Variants in HS6ST3 observed in about 807,000 individuals in gnomAD.
HS6ST3 encodes the protein heparan-sulfate 6-O-sulfotransferase 3.
HS6ST3 carries 12 observed loss-of-function variants against 36.7 expected under a neutral mutation model. The ratio of observed to expected loss-of-function variants is 0.33; its 90% confidence interval spans 0.21 to 0.53. The LOEUF is 0.53. Among genes scored for constraint, HS6ST3 ranks in the 20% least tolerant of loss-of-function variants. The pLI is 0.95. For missense variants in HS6ST3, 584 were observed against 640.9 expected (o/e 0.91, Z 0.96); for synonymous variants, 240 against 257.5 (o/e 0.93, Z 0.65).
chr13:96,580,518 G>T (rs2056338117), intron 1 of HS6ST3, among the ~76,000 whole-genome samples: 1 of 151,588 alleles, frequency 6.6e-6, no homozygotes, highest in South Asian at 2.1e-4. Context: ...AACACAGATT[G>T]TTTGCTAATC....
intron 1 of HS6ST3, among the ~76,000 whole-genome samples, chr13:96,375,455 T>C (rs1323105565): frequency 6.6e-6 from 1 of 152,212 alleles, no homozygotes; most frequent in Non-Finnish European, 1.5e-5. Flanking sequence ...TATAGATAGA[T>C]GCACAAAAAA....
chr13:96,192,345 G>A (rs2054292059), intron 1 of HS6ST3, among the ~76,000 whole-genome samples: 1 of 151,984 alleles, frequency 6.6e-6, no homozygotes, highest in African/African-American at 2.4e-5. Flanking sequence ...TTGTTACATG[G>A]ATATATTTCA....
chr13:96,624,374 T>A (rs1001420465), intron 1 of HS6ST3, among the ~76,000 whole-genome samples: 2 of 152,114 alleles, frequency 1.3e-5, no homozygotes, highest in Non-Finnish European at 2.9e-5. Context: ...AACCATATAT[T>A]TTTTTTAGTT....
chr13:96,406,172 T>C (rs2055477270), intron 1 of HS6ST3, among the ~76,000 whole-genome samples: 1 of 152,250 alleles, frequency 6.6e-6, no homozygotes, highest in Non-Finnish European at 1.5e-5. Flanking sequence ...CATTTTCTAA[T>C]CAGTTTTATA....
At chr13:96,589,109 A>G (rs911482174) in intron 1 of HS6ST3, among the ~76,000 whole-genome samples, 1 of 151,512 alleles carries the variant, frequency 6.6e-6, no homozygotes, top group Admixed American at 6.6e-5. Flanking sequence ...GAGGAGTTTG[A>G]AAAGAATTGT....
At chr13:96,625,677 GA>G (rs2056509687) in intron 1 of HS6ST3, among the ~76,000 whole-genome samples, 2 of 152,070 alleles carry the variant, frequency 1.3e-5, no homozygotes, top group South Asian at 4.2e-4. Flanking sequence ...GTTAGTTTGT[GA>G]AATGCTTATT....
At chr13:96,779,757 T>C (rs1877478005) in intron 1 of HS6ST3, among the ~76,000 whole-genome samples, 1 of 140,298 alleles carries the variant, frequency 7.1e-6, no homozygotes, top group Non-Finnish European at 1.5e-5. Context: ...AGATTAAGCA[T>C]GTATATTTAC....
intron 1 of HS6ST3, among the ~76,000 whole-genome samples, chr13:96,573,393 C>G (rs2056307974): frequency 6.6e-6 from 1 of 152,114 alleles, no homozygotes; most frequent in Admixed American, 6.6e-5. Flanking sequence ...GAGCCCACAG[C>G]CAGATGCATG....
At chr13:96,616,533 A>G (rs531103680) in intron 1 of HS6ST3, among the ~76,000 whole-genome samples, 1 of 152,286 alleles carries the variant, frequency 6.6e-6, no homozygotes, top group East Asian at 1.9e-4. Flanking sequence ...CCCTGCTCCC[A>G]GGAGTAGAAA....
intron 1 of HS6ST3, among the ~76,000 whole-genome samples, chr13:96,643,120 T>G (rs1313940244): frequency 6.6e-6 from 1 of 152,028 alleles, no homozygotes; most frequent in African/African-American, 2.4e-5. Flanking sequence ...GTCTGTGTTC[T>G]TTTTGTGTGT....
intron 1 of HS6ST3, among the ~76,000 whole-genome samples, chr13:96,653,289 T>C (rs1594828001): frequency 6.6e-6 from 1 of 152,016 alleles, no homozygotes; most frequent in South Asian, 2.1e-4. Context: ...ATACATGTGT[T>C]ATGGCGATTT....
chr13:96,528,015 C>G (rs1267580254), intron 1 of HS6ST3, among the ~76,000 whole-genome samples: 2 of 152,190 alleles, frequency 1.3e-5, no homozygotes, highest in African/African-American at 4.8e-5. Context: ...GACCAACACA[C>G]ATAATGCCAG....
At chr13:96,682,722 AT>A (rs2056722590) in intron 1 of HS6ST3, among the ~76,000 whole-genome samples, 1 of 152,122 alleles carries the variant, frequency 6.6e-6, no homozygotes. Context: ...AAGCTCTTGT[AT>A]TGATATTTTA....
intron 1 of HS6ST3, among the ~76,000 whole-genome samples, chr13:96,250,231 C>T (rs941156669): frequency 6.6e-6 from 1 of 152,134 alleles, no homozygotes; most frequent in African/African-American, 2.4e-5. Context: ...AGGTAGTGTT[C>T]TAGGGCAGTG....
At chr13:96,519,512 C>T (rs1450473658) in intron 1 of HS6ST3, among the ~76,000 whole-genome samples, 1 of 152,180 alleles carries the variant, frequency 6.6e-6, no homozygotes, top group Non-Finnish European at 1.5e-5. Context: ...GTGGACATTT[C>T]TTGGATTCCA....
chr13:96,147,547 C>T (rs950664609), intron 1 of HS6ST3, among the ~76,000 whole-genome samples: 15 of 152,354 alleles, frequency 9.8e-5, no homozygotes, highest in Middle Eastern at 6.8e-3. Context: ...TGTTCCCCAA[C>T]CCCTGGCTGC....
Position 96,098,666 on chromosome 13 carries a change from T to TAAAATA in HS6ST3, c.707+7100_707+7101insATAAAA, listed in dbSNP as rs113515964. Among the ~76,000 whole-genome samples, 248 of 151,304 alleles carry TAAAATA rather than the reference T, an allele frequency of 1.6e-3. 1 individual carries two copies. The highest frequency in any genetic ancestry group is 5.7e-3 in the African/African-American group (236 of 41,176). The stretch of plus-strand genomic sequence containing the variant: ...GTGAAACCCTATCTCTAAAAATAAA[T>TAAAATA]AAATAAAATAAAAGCATGAACTCTG... On this transcript the variant is annotated intron_variant, in intron 1 of 1. Transcript: ENST00000376705.
chr13:96,426,617 A>T (rs1458399947), intron 1 of HS6ST3, among the ~76,000 whole-genome samples: 1 of 152,152 alleles, frequency 6.6e-6, no homozygotes, highest in African/African-American at 2.4e-5. Flanking sequence ...AAGTCATTTG[A>T]CTTTTTTTAG....
At chr13:96,496,013 A>C (rs2138909300) in intron 1 of HS6ST3, among the ~76,000 whole-genome samples, 1 of 152,332 alleles carries the variant, frequency 6.6e-6, no homozygotes, top group South Asian at 2.1e-4. Context: ...TTGCAAGGGC[A>C]ATGGCAGAGG....
Sources: gnomAD v4.1 joint callset for allele counts (sites outside exome capture counted in the v4.1 genomes callset) on GRCh38, gnomAD v4.1.1 for gene constraint, MANE v1.5 for transcripts, NCBI Gene and HGNC (gene_info 2026-07-23, HGNC 2026-07-21) for gene names.